POMK: variants seen among roughly 807,000 people sequenced by gnomAD.
POMK encodes the protein Sugen kinase 196.
Under a neutral mutation model 23.0 loss-of-function variants are expected in POMK, and 19 were observed. That is an observed-to-expected ratio of 0.83 (90% CI 0.58 to 1.21). The LOEUF (loss-of-function observed/expected upper bound fraction) is 1.21, where lower values mean the gene tolerates loss of function less well. Among genes scored for constraint, POMK ranks in the 50% most tolerant of loss-of-function variants. The pLI is 0.00. For synonymous variants in POMK, 173 were observed against 171.6 expected (o/e 1.01, Z -0.06); for missense variants, 410 against 431.3 (o/e 0.95, Z 0.44).
At chr8:43,108,730 C>G (rs536092556) in intron 4 of POMK, among the ~76,000 whole-genome samples, 1 of 152,262 alleles carries the variant, frequency 6.6e-6, no homozygotes, top group African/African-American at 2.4e-5. Flanking sequence ...CAGAAACTTG[C>G]ATTCAAGAGC....
intron 4 of POMK, among the ~76,000 whole-genome samples, chr8:43,105,773 C>T (rs572152662): frequency 2.0e-5 from 3 of 152,286 alleles, no homozygotes; most frequent in African/African-American, 7.2e-5. Context: ...AAGCAATTCT[C>T]CTGCCTCAGC....
At chr8:43,108,446 C>T (rs1223965052) in intron 4 of POMK, among the ~76,000 whole-genome samples, 1 of 152,128 alleles carries the variant, frequency 6.6e-6, no homozygotes, top group African/African-American at 2.4e-5. Context: ...TTTTTAAATT[C>T]TGGAGAAATC....
intron 2 of POMK, among the ~76,000 whole-genome samples, chr8:43,100,041 CAG>C (rs1288805135): frequency 6.6e-6 from 1 of 152,152 alleles, no homozygotes; most frequent in Non-Finnish European, 1.5e-5. Flanking sequence ...ATCAGAGGGA[CAG>C]AGAGTCATCT....
At chr8:43,100,025 A>G (rs1811406270) in intron 2 of POMK, among the ~76,000 whole-genome samples, 1 of 152,152 alleles carries the variant, frequency 6.6e-6, no homozygotes, top group South Asian at 2.1e-4. Flanking sequence ...GGACTTGCAT[A>G]TCTTCATCAG....
At chr8:43,104,745 G>A (rs566979787) in intron 4 of POMK, among the ~76,000 whole-genome samples, 1 of 152,234 alleles carries the variant, frequency 6.6e-6, no homozygotes, top group South Asian at 2.1e-4. Context: ...AGGAGTTCCA[G>A]ACCAACCTGG....
chr8:43,100,019 T>A (rs113779021), intron 2 of POMK, among the ~76,000 whole-genome samples: 79 of 152,260 alleles, frequency 5.2e-4, no homozygotes, highest in African/African-American at 1.5e-3. Context: ...CTGGCGGGAC[T>A]TGCATATCTT....
chr8:43,104,158 T>G (rs1350835734), intron 4 of POMK, among the ~76,000 whole-genome samples: 2 of 152,084 alleles, frequency 1.3e-5, no homozygotes. Flanking sequence ...AGTCTCGCTC[T>G]GTCACCCAGG....
chr8:43,111,909 C>G (rs1586675467), intron 4 of POMK, among the ~76,000 whole-genome samples: 1 of 152,208 alleles, frequency 6.6e-6, no homozygotes, highest in Non-Finnish European at 1.5e-5. Flanking sequence ...CACCAAAAAC[C>G]CATCTGTACG....
intron 4 of POMK, among the ~76,000 whole-genome samples, chr8:43,119,187 A>T (rs1811860544): frequency 6.6e-6 from 1 of 152,086 alleles, no homozygotes; most frequent in Non-Finnish European, 1.5e-5. Flanking sequence ...GGGCCTAGAA[A>T]ACCAAAGCCA....
intron 4 of POMK, among the ~76,000 whole-genome samples, chr8:43,116,336 G>T (rs532173931): frequency 6.6e-6 from 1 of 152,138 alleles, no homozygotes; most frequent in Non-Finnish European, 1.5e-5. Flanking sequence ...GCAGTGGTGC[G>T]ATCATAGCTT....
intron 4 of POMK, among the ~76,000 whole-genome samples, chr8:43,113,825 A>T (rs972501239): frequency 1.3e-5 from 2 of 152,198 alleles, no homozygotes; most frequent in African/African-American, 4.8e-5. Flanking sequence ...TTTTCCTTCT[A>T]ACAGACAGGA....
At chr8:43,107,774 G>A (rs565790692) in intron 4 of POMK, among the ~76,000 whole-genome samples, 17 of 152,048 alleles carry the variant, frequency 1.1e-4, no homozygotes, top group African/African-American at 2.7e-4. Context: ...TCCGCCTCCC[G>A]GGTTCAAGCA....
intron 2 of POMK, among the ~76,000 whole-genome samples, chr8:43,100,689 T>C (rs1811422006): frequency 6.6e-6 from 1 of 151,806 alleles, no homozygotes; most frequent in African/African-American, 2.4e-5. Context: ...GGAACAGAGC[T>C]GGAGGGACCT....
chr8:43,102,376 C>A (rs1178510222), intron 2 of POMK, 129 bp from the exon 3 acceptor site: 2 of 152,550 alleles, frequency 1.3e-5, no homozygotes, highest in African/African-American at 2.4e-5. Flanking sequence ...GCTTGAGAAC[C>A]TGAGGAAACC....
chr8:43,106,843 G>A (rs1364843807), intron 4 of POMK, among the ~76,000 whole-genome samples: 3 of 152,090 alleles, frequency 2.0e-5, no homozygotes, highest in African/African-American at 4.8e-5. Context: ...CTCCCTTTGG[G>A]GTTTTGTAGC....
At chr8:43,115,779 G>A (rs1275907556) in intron 4 of POMK, among the ~76,000 whole-genome samples, 1 of 152,192 alleles carries the variant, frequency 6.6e-6, no homozygotes, top group Non-Finnish European at 1.5e-5. Context: ...GGTGCTCTCT[G>A]TCTCATTCTG....
intron 4 of POMK, among the ~76,000 whole-genome samples, chr8:43,105,645 C>A (rs1182379982): frequency 6.6e-6 from 1 of 152,068 alleles, no homozygotes; most frequent in Non-Finnish European, 1.5e-5. Context: ...CAATAAACAT[C>A]GGGATGCACA....
At chr8:43,119,936 CTTT>C (rs1198265599) in intron 4 of POMK, among the ~76,000 whole-genome samples, 1 of 133,674 alleles carries the variant, frequency 7.5e-6, no homozygotes. Context: ...ATTTCTTTTT[CTTT>C]TTTTTTTTTT....
At chr8:43,099,400 G>C (rs868698029) in intron 2 of POMK, among the ~76,000 whole-genome samples, 1 of 152,242 alleles carries the variant, frequency 6.6e-6, no homozygotes, top group Admixed American at 6.5e-5. Flanking sequence ...AGCAGGCAGC[G>C]ATGAAAAGTC....
Sources: gnomAD v4.1 joint callset for allele counts (sites outside exome capture counted in the v4.1 genomes callset) on GRCh38, gnomAD v4.1.1 for gene constraint, MANE v1.5 for transcripts, NCBI Gene and HGNC (gene_info 2026-07-23, HGNC 2026-07-21) for gene names.